Variants in ACAP2 observed in about 807,000 individuals in gnomAD.
ACAP2 encodes the protein arf-GAP with coiled-coil, ANK repeat and PH domain-containing protein 2.
In ACAP2, 39 loss-of-function variants were observed where a neutral mutation model predicts 115.8. The observed-to-expected ratio is 0.34, with a 90% confidence interval of 0.26 to 0.44. The LOEUF is 0.44. Ranked by LOEUF, ACAP2 falls within the 20% of genes least tolerant of loss-of-function variation. ACAP2 has a pLI of 1.00. For missense variants in ACAP2, 662 were observed against 927.6 expected (o/e 0.71, Z 3.72); for synonymous variants, 289 against 315.8 (o/e 0.92, Z 0.90).
At chr3:195,293,375 T>C (rs1727397487) in intron 18 of ACAP2, among the ~76,000 whole-genome samples, 1 of 151,924 alleles carries the variant, frequency 6.6e-6, no homozygotes, top group Non-Finnish European at 1.5e-5. Context: ...GGGACAAGGG[T>C]TTAAAGCACA....
chr3:195,356,090 G>A (rs1342090685), intron 4 of ACAP2: 2 of 456,418 alleles, frequency 4.4e-6, no homozygotes, highest in East Asian at 1.4e-4. Flanking sequence ...GAAAGAGGCA[G>A]TGAAGAGGAT....
chr3:195,395,169 C>G (rs79011172), intron 1 of ACAP2, among the ~76,000 whole-genome samples: 1 of 151,798 alleles, frequency 6.6e-6, no homozygotes, highest in East Asian at 1.9e-4. Flanking sequence ...CCAATTTTTA[C>G]GAAGCACATA....
At chr3:195,320,243 TAATAC>T (rs747210251) in intron 10 of ACAP2, among the ~76,000 whole-genome samples, 2 of 152,166 alleles carry the variant, frequency 1.3e-5, no homozygotes, top group Non-Finnish European at 2.9e-5. Flanking sequence ...GAAAATGGAC[TAATAC>T]AATAAGCAAA....
At chr3:195,433,589 G>A (rs1236141767) in intron 1 of ACAP2, among the ~76,000 whole-genome samples, 1 of 152,028 alleles carries the variant, frequency 6.6e-6, no homozygotes, top group Non-Finnish European at 1.5e-5. Context: ...TTTTAAAGAT[G>A]GCCGTTATCA....
At chr3:195,361,371 G>A (rs1732355075) in intron 4 of ACAP2, among the ~76,000 whole-genome samples, 1 of 151,856 alleles carries the variant, frequency 6.6e-6, no homozygotes, top group South Asian at 2.1e-4. Flanking sequence ...AGGAGGCAGA[G>A]GTTGCAGTGA....
intron 4 of ACAP2, among the ~76,000 whole-genome samples, chr3:195,363,476 C>G (rs950705936): frequency 3.3e-5 from 5 of 152,050 alleles, no homozygotes; most frequent in African/African-American, 1.2e-4. Flanking sequence ...AACTCCGTCT[C>G]TACTAAAAAT....
intron 21 of ACAP2, among the ~76,000 whole-genome samples, chr3:195,286,614 G>A (rs567368568): frequency 1.4e-4 from 22 of 152,242 alleles, no homozygotes; most frequent in African/African-American, 4.6e-4. Flanking sequence ...CAACTGCAGC[G>A]TGTGACATGA....
rs200598935 is a variant in ACAP2, at chr3:195,278,080, CG to C, written c.*1247del. The C allele has an allele frequency of 2.3e-5, 3 of 131,150 alleles. No homozygotes were observed. In the South Asian group the frequency reaches 7.2e-4, roughly 32 times the overall value. 8.1% of individuals were successfully genotyped at this position (131,150 alleles called of 1,614,324 possible). A position where few individuals can be genotyped will look rare whatever the true frequency, so the allele number is the denominator to read the frequency against. On this transcript the variant is annotated 3_prime_UTR_variant, in exon 23 of 23. Coordinates refer to ENST00000326793, the MANE Select transcript of ACAP2 (RefSeq NM_012287.6). ...TGGGTGACACAGCAAGACGCCATCT[CG>C]GGAAAAAAAAAAAAAAAAAGCAAAT... is the stretch of plus-strand genomic sequence containing the variant.
intron 4 of ACAP2, among the ~76,000 whole-genome samples, chr3:195,364,764 T>C (rs572297250): frequency 2.6e-5 from 4 of 152,216 alleles, no homozygotes; most frequent in African/African-American, 9.6e-5. Flanking sequence ...CATCCAGCAA[T>C]CCTACTCTCA....
chr3:195,369,765 T>C (rs1224139939), intron 4 of ACAP2, among the ~76,000 whole-genome samples: 1 of 152,212 alleles, frequency 6.6e-6, no homozygotes. Context: ...TTCCTCTGGG[T>C]ATATACCTTG....
At chr3:195,329,569 A>G (rs1730036837) in intron 8 of ACAP2, among the ~76,000 whole-genome samples, 1 of 152,110 alleles carries the variant, frequency 6.6e-6, no homozygotes, top group Non-Finnish European at 1.5e-5. Context: ...TCTTTCCTTC[A>G]TAACACAACT....
At chr3:195,397,232 T>C (rs1015299426) in intron 1 of ACAP2, among the ~76,000 whole-genome samples, 1 of 152,194 alleles carries the variant, frequency 6.6e-6, no homozygotes, top group African/African-American at 2.4e-5. Flanking sequence ...TCCATCATAG[T>C]ACCTATCACC....
At chr3:195,329,222 A>G (rs1730013859) in intron 8 of ACAP2, among the ~76,000 whole-genome samples, 1 of 152,204 alleles carries the variant, frequency 6.6e-6, no homozygotes, top group Non-Finnish European at 1.5e-5. Context: ...GGGGGAAGGC[A>G]TGAGTTGGGG....
intron 1 of ACAP2, among the ~76,000 whole-genome samples, chr3:195,407,892 C>T (rs1040438868): frequency 2.0e-5 from 3 of 152,042 alleles, no homozygotes; most frequent in Admixed American, 6.6e-5. Context: ...GAAATACCAA[C>T]AAAATGACAA....
At chr3:195,306,414 C>G in intron 13 of ACAP2, 97 bp downstream of exon 13, 1 of 601,754 alleles carries the variant, frequency 1.7e-6, no homozygotes, top group Non-Finnish European at 2.8e-6. Context: ...AAATCATCTT[C>G]CATAACAAAC....
chr3:195,357,960 T>C (rs1732092561), intron 4 of ACAP2, among the ~76,000 whole-genome samples: 1 of 152,162 alleles, frequency 6.6e-6, no homozygotes, highest in Non-Finnish European at 1.5e-5. Flanking sequence ...TCAGATCTCA[T>C]GTAATGCAAT....
rs529067443 is a variant in ACAP2, at chr3:195,442,871, G to T, written c.-24C>A. The T allele has an allele frequency of 2.0e-6, 3 of 1,511,026 alleles. No homozygotes were observed. Among genetic ancestry groups the T allele is most frequent in the African/African-American group, 2.9e-5 (2 of 68,852 alleles). The allele number at this position is 1,511,026 out of a possible 1,614,324, so 93.6% of individuals were successfully genotyped here. A position where few individuals can be genotyped will look rare whatever the true frequency, so the allele number is the denominator to read the frequency against. On this transcript the variant is annotated 5_prime_UTR_variant, in exon 1 of 23. Transcript: ENST00000326793. ...ATCCTGCCTCCGCCTCGCAGGCGGC[G>T]CTGGCAAAGCCGAGGGGGCCGCGGG...
intron 4 of ACAP2, among the ~76,000 whole-genome samples, chr3:195,372,092 G>A (rs1475512696): frequency 1.3e-5 from 2 of 152,234 alleles, no homozygotes; most frequent in South Asian, 2.1e-4. Flanking sequence ...GTTATTTTAC[G>A]AGATTAGTTA....
At chr3:195,364,862 T>C (rs1438141542) in intron 4 of ACAP2, among the ~76,000 whole-genome samples, 6 of 152,156 alleles carry the variant, frequency 3.9e-5, no homozygotes, top group African/African-American at 1.4e-4. Context: ...GTAGCCAAGA[T>C]TTGGAAGCAA....
Sources: gnomAD v4.1 joint callset for allele counts (sites outside exome capture counted in the v4.1 genomes callset) on GRCh38, gnomAD v4.1.1 for gene constraint, MANE v1.5 for transcripts, NCBI Gene and HGNC (gene_info 2026-07-23, HGNC 2026-07-21) for gene names.